The following WDR33 variants were observed in gnomAD, a reference collection of about 807,000 sequenced individuals.
WDR33 encodes the protein pre-mRNA 3' end processing protein WDR33.
In WDR33, 47 loss-of-function variants were observed where a neutral mutation model predicts 164.9. That is an observed-to-expected ratio of 0.29 (90% confidence interval 0.23 to 0.36). WDR33 has a LOEUF of 0.36. Ranked by LOEUF, WDR33 falls within the 10% of genes least tolerant of loss-of-function variation. WDR33 has a pLI of 1.00. For synonymous variants in WDR33, 505 were observed against 589.0 expected, an observed-to-expected ratio of 0.86 and a Z score of 2.06; for missense variants, 1,137 against 1,754.1, an observed-to-expected ratio of 0.65 and a Z score of 6.28.
intron 8 of WDR33, among the ~76,000 whole-genome samples, chr2:127,725,568 T>A (rs1254956954): frequency 6.6e-6 from 1 of 152,010 alleles, no homozygotes; most frequent in Non-Finnish European, 1.5e-5. Flanking sequence ...ACCCAGACTC[T>A]ACTAAAAATA....
intron 7 of WDR33, chr2:127,737,492 A>T: frequency 3.0e-6 from 3 of 986,308 alleles, no homozygotes; most frequent in Non-Finnish European, 3.6e-6. Context: ...CATCACTTGA[A>T]AAGCTAGAAA....
chr2:127,798,056 T>C (rs1689101075), intron 1 of WDR33, among the ~76,000 whole-genome samples: 1 of 151,986 alleles, frequency 6.6e-6, no homozygotes, highest in Non-Finnish European at 1.5e-5. Context: ...CAAAATTCCT[T>C]TCTTAAACCT....
intron 7 of WDR33, among the ~76,000 whole-genome samples, chr2:127,740,083 T>C (rs1004115760): frequency 2.6e-5 from 4 of 152,194 alleles, no homozygotes; most frequent in Non-Finnish European, 4.4e-5. Context: ...AGCATTTAAG[T>C]CCTGAGTACT....
In WDR33 at chr2:127,738,054, T is replaced by A; in HGVS notation, c.725-11277A>T. On this transcript the variant is annotated intron_variant, in intron 7 of 21. Transcript: ENST00000322313. The surrounding 1 kb of genome is among the most constrained non-coding windows in gnomAD (Gnocchi z 4.4). ...ACAACGGCAGTGATGAAAACATGTA[T>A]CTATCAAAACAAGAAGGGTGCATGA... 2 of 1,612,782 alleles carry A rather than the reference T, an allele frequency of 1.2e-6. No individual in the cohort carries two copies. Among genetic ancestry groups the A allele is most frequent in the Non-Finnish European group, 1.7e-6 (2 of 1,179,432 alleles).
In WDR33 at chr2:127,741,882, A is replaced by G. The variant is rs1267899143; in HGVS notation, c.725-15105T>C. ...ATTAGAGAACCACTAGAAATTCTTG[A>G]AAAGTAAACATGCAGTTGATAAAAA... On this transcript the variant is annotated intron_variant, in intron 7 of 21. Transcript: ENST00000322313. This position sits in a 1 kb window ranked among gnomAD's most constrained non-coding sequence, Gnocchi z 4.1. Among the ~76,000 whole-genome samples the G allele has an allele frequency of 6.6e-6, 1 of 152,186 alleles. No individual in the cohort carries two copies. The highest frequency in any genetic ancestry group is 2.4e-5 in the African/African-American group (1 of 41,454).
chr2:127,766,488 T>C (rs1284544658), intron 4 of WDR33, among the ~76,000 whole-genome samples: 1 of 152,158 alleles, frequency 6.6e-6, no homozygotes, highest in African/African-American at 2.4e-5. Flanking sequence ...AACCAAACTG[T>C]AGACACAGAG....
chr2:127,735,784 G>A lies in WDR33; in HGVS notation c.725-9007C>T, dbSNP rs1471851527. On this transcript the variant is annotated intron_variant, in intron 7 of 21. Transcript: ENST00000322313. This position sits in a 1 kb window ranked among gnomAD's most constrained non-coding sequence, Gnocchi z 4.3. ...CATAAGTAATCTGTGCTCTGGTCAA[G>A]GAATATGCAATTTATTAGTATTTTA... is the stretch of plus-strand genomic sequence containing the variant. 2 of 985,430 alleles carry A rather than the reference G, an allele frequency of 2.0e-6. No homozygotes were observed. The highest frequency in any genetic ancestry group is 2.4e-6 in the Non-Finnish European group (2 of 829,938). 61.0% of individuals were successfully genotyped at this position (985,430 alleles called of 1,614,324 possible).
At position 127,703,137 on chromosome 2, in the gene WDR33, AACT is replaced by A. The variant is rs1267926434; in HGVS notation, c.*3183_*3185del. ...GCCTAACATTCTGATGAGTCCAGAA[AACT>A]ACGTTTTGTCAGTAGCAATACACTA... On this transcript the variant is annotated 3_prime_UTR_variant, in exon 22 of 22. Coordinates refer to ENST00000322313, the MANE Select transcript of WDR33 (RefSeq NM_018383.5). 6.0e-6 allele frequency: 1 copy of A among 167,078 alleles called. No homozygotes were observed. Among genetic ancestry groups the A allele is most frequent in the Non-Finnish European group, 1.5e-5 (1 of 68,112 alleles). The allele number at this position is 167,078 out of a possible 1,614,324, so 10.3% of individuals were successfully genotyped here. A position where few individuals can be genotyped will look rare whatever the true frequency, so the allele number is the denominator to read the frequency against.
chr2:127,736,175 G>A (rs1398958251), intron 7 of WDR33: 2 of 985,252 alleles, frequency 2.0e-6, no homozygotes, highest in African/African-American at 3.5e-5. Context: ...TTTCTCAAGA[G>A]TACTTCCAAG....
intron 7 of WDR33, among the ~76,000 whole-genome samples, chr2:127,748,948 G>A (rs971286190): frequency 4.0e-5 from 6 of 150,388 alleles, no homozygotes; most frequent in Non-Finnish European, 7.4e-5. Flanking sequence ...TAGTATGTTA[G>A]CTGTGAGAAG....
In WDR33 at chr2:127,706,310, TCAGTTCCAG is replaced by T; in HGVS notation, c.*4_*12del. Reference sequence around the variant, plus strand: ...ACTGTCCAGAGAGGCCTCAGGGTACTCAGTTCCAGCTTCTACCGACCCCTTCCACCACCC... The same window carrying T: ...ACTGTCCAGAGAGGCCTCAGGGTACTCTTCTACCGACCCCTTCCACCACCC... On this transcript the variant is annotated 3_prime_UTR_variant, in exon 22 of 22. Coordinates refer to ENST00000322313, the MANE Select transcript of WDR33 (RefSeq NM_018383.5). This position sits in a 1 kb window ranked among gnomAD's most constrained non-coding sequence, Gnocchi z 5.1. 6.5e-7 allele frequency: 1 copy of T among 1,535,624 alleles called. No individual in the cohort carries two copies. The highest frequency in any genetic ancestry group is 1.8e-4 in the Middle Eastern group (1 of 5,666).
chr2:127,707,242 A>AG (rs1417921354), intron 21 of WDR33, among the ~76,000 whole-genome samples: 29 of 151,714 alleles, frequency 1.9e-4, no homozygotes, highest in African/African-American at 7.0e-4. Flanking sequence ...AAAAAAAAAA[A>AG]AAAGAAAAAA....
Position 127,769,536 on chromosome 2 carries a change from C to CT in WDR33, c.205-536dup, listed in dbSNP as rs991265602. On this transcript the variant is annotated intron_variant, in intron 2 of 21. Transcript: ENST00000322313. ...CGACTCCAACACAGTCTCCCTGATGCTACCTTAAGAAAAGGAAACAGCAGA... is the reference window on the plus strand; with the variant it reads ...CGACTCCAACACAGTCTCCCTGATGCTTACCTTAAGAAAAGGAAACAGCAGA... Among the ~76,000 whole-genome samples the CT allele has an allele frequency of 7.6e-4, 116 of 152,326 alleles. 1 individual carries two copies. The highest frequency in any genetic ancestry group is 2.6e-3 in the African/African-American group (109 of 41,578).
intron 7 of WDR33, chr2:127,737,011 T>C (rs908348280): frequency 5.6e-5 from 55 of 985,278 alleles, no homozygotes; most frequent in Non-Finnish European, 6.5e-5. Flanking sequence ...TGAGGGTGTA[T>C]AAAATGTGTG....
chr2:127,730,753 C>A (rs955656871), intron 7 of WDR33, among the ~76,000 whole-genome samples: 1 of 152,114 alleles, frequency 6.6e-6, no homozygotes, highest in African/African-American at 2.4e-5. Flanking sequence ...TACCAAAATG[C>A]AGATACGGAT....
Position 127,706,256 on chromosome 2 carries a change from C to G in WDR33, c.*67G>C. ...ATGGTGCAGGCTTCCTTTTGTTTCT[C>G]TTGGTGAGTCCACAAGAAGTTCTTA... On this transcript the variant is annotated 3_prime_UTR_variant, in exon 22 of 22. Coordinates refer to ENST00000322313, the MANE Select transcript of WDR33 (RefSeq NM_018383.5). This position sits in a 1 kb window ranked among gnomAD's most constrained non-coding sequence, Gnocchi z 5.1. The G allele has an allele frequency of 7.1e-7, 1 of 1,399,742 alleles. No homozygotes were observed. Among genetic ancestry groups the G allele is most frequent in the Non-Finnish European group, 9.5e-7 (1 of 1,051,244 alleles). The allele number at this position is 1,399,742 out of a possible 1,614,324, so 86.7% of individuals were successfully genotyped here. A position where few individuals can be genotyped will look rare whatever the true frequency, so the allele number is the denominator to read the frequency against.
intron 3 of WDR33, 74 bp downstream of exon 3, chr2:127,768,859 A>T: frequency 9.1e-7 from 1 of 1,101,750 alleles, no homozygotes; most frequent in South Asian, 1.3e-5. Flanking sequence ...TTGGACTTGA[A>T]GTCACACAGT....
Position 127,713,692 on chromosome 2 carries a change from G to C in WDR33, c.3199C>G (p.Arg1067Gly), listed in dbSNP as rs757410145. 1.2e-6 allele frequency: 2 copies of C among 1,614,066 alleles called. No homozygotes were observed. The highest frequency in any genetic ancestry group is 2.2e-5 in the East Asian group (1 of 44,902). The change falls in exon 18 of 22, where the codon CGG (arginine) becomes GGG (glycine). Residue 1067 changes from arginine to glycine, a missense_variant. By Grantham distance (125) the Arg-to-Gly change is moderately radical (BLOSUM62 -2). Coordinates refer to ENST00000322313, the MANE Select transcript of WDR33 (RefSeq NM_018383.5). This position sits in a 1 kb window ranked among gnomAD's most constrained non-coding sequence, Gnocchi z 6.2. Reference sequence around the variant, plus strand: ...CCCGGAGGGCCTCGGGCTGCACCCCGGCCATCCCCCTCGCTGAATTCCCTG... The same window carrying C: ...CCCGGAGGGCCTCGGGCTGCACCCCCGCCATCCCCCTCGCTGAATTCCCTG... ...DHREFSEGDG[R>G]GAARGPPGAW... is the part of the protein sequence containing the mutation.
intron 7 of WDR33, chr2:127,737,636 A>G (rs1558930639): frequency 6.9e-6 from 7 of 1,013,590 alleles, no homozygotes; most frequent in Non-Finnish European, 8.2e-6. Context: ...AACCCAGGCC[A>G]AGAATAAAGA....
Sources: allele counts gnomAD v4.1 joint callset (sites outside exome capture counted in the v4.1 genomes callset), GRCh38; gene constraint gnomAD v4.1.1; non-coding constraint Gnocchi (gnomAD v3.1); transcripts MANE v1.5; gene names NCBI Gene and HGNC (gene_info 2026-07-23, HGNC 2026-07-21).